The following FCHSD2 variants were observed in gnomAD, a reference collection of about 807,000 sequenced individuals.
The protein encoded by FCHSD2 is F-BAR and double SH3 domains protein 2.
FCHSD2 carries 38 observed loss-of-function variants against 108.1 expected under a neutral mutation model. The ratio of observed to expected loss-of-function variants is 0.35; its 90% CI spans 0.27 to 0.46. FCHSD2 has a LOEUF of 0.46. FCHSD2 is among the 20% of genes least tolerant of loss of function. FCHSD2 has a pLI of 1.00. For missense variants in FCHSD2, 751 were observed against 897.8 expected, an observed-to-expected ratio of 0.84 and a Z score of 2.09; for synonymous variants, 279 against 314.7, an observed-to-expected ratio of 0.89 and a Z score of 1.20.
At chr11:72,962,324 G>A (rs1266123238) in intron 8 of FCHSD2, among the ~76,000 whole-genome samples, 1 of 152,082 alleles carries the variant, frequency 6.6e-6, no homozygotes, top group African/African-American at 2.4e-5. Context: ...TCTGTACTTG[G>A]GCATTCTTGT....
intron 9 of FCHSD2, among the ~76,000 whole-genome samples, chr11:72,918,246 A>G (rs900897365): frequency 6.6e-6 from 1 of 151,982 alleles, no homozygotes; most frequent in African/African-American, 2.4e-5. Context: ...TTTTTATCTT[A>G]TATGTTGCTA....
At chr11:73,129,501 G>C (rs183300556) in intron 2 of FCHSD2, among the ~76,000 whole-genome samples, 88 of 152,260 alleles carry the variant, frequency 5.8e-4, no homozygotes, top group African/African-American at 2.0e-3. Flanking sequence ...ACATGCAAGG[G>C]ATCTAGGTTG....
chr11:72,852,090 C>A (rs944498347), intron 13 of FCHSD2, among the ~76,000 whole-genome samples: 1 of 151,836 alleles, frequency 6.6e-6, no homozygotes, highest in South Asian at 2.1e-4. Flanking sequence ...GGTTTCACCA[C>A]GTTGCTTAGG....
chr11:73,138,127 A>G lies in FCHSD2; in HGVS notation c.119+1904T>C, dbSNP rs151062289. On this transcript the variant is annotated intron_variant, in intron 2 of 19. Coordinates refer to ENST00000409418, the MANE Select transcript of FCHSD2 (RefSeq NM_014824.3). Reference sequence around the variant, plus strand: ...GCAACAGCAACAGGAGCAACAGACTATATCAACTTAGCTTAGATGTGTGCC... The same window carrying G: ...GCAACAGCAACAGGAGCAACAGACTGTATCAACTTAGCTTAGATGTGTGCC... Among the ~76,000 whole-genome samples the G allele has an allele frequency of 1.3e-4, 20 of 152,368 alleles. 3 individuals carry two copies. The highest frequency in any genetic ancestry group is 3.6e-4 in the African/African-American group (15 of 41,590).
At chr11:72,934,331 C>CTTTT (rs1235013217) in intron 8 of FCHSD2, among the ~76,000 whole-genome samples, 1 of 133,070 alleles carries the variant, frequency 7.5e-6, no homozygotes, top group Admixed American at 7.6e-5. Context: ...AGAGCCATGC[C>CTTTT]TTTTTTTTTT....
chr11:72,911,418 T>C (rs1448492662), intron 9 of FCHSD2, among the ~76,000 whole-genome samples: 2 of 152,320 alleles, frequency 1.3e-5, no homozygotes, highest in South Asian at 2.1e-4. Flanking sequence ...CACAATATGA[T>C]TCCTTGAGTT....
intron 2 of FCHSD2, among the ~76,000 whole-genome samples, chr11:73,102,127 G>T (rs553474931): frequency 1.2e-4 from 18 of 152,324 alleles, no homozygotes; most frequent in African/African-American, 4.3e-4. Flanking sequence ...ACAGTGAAAA[G>T]ATGCTTAACA....
At chr11:73,037,903 A>G (rs1044994645) in intron 3 of FCHSD2, among the ~76,000 whole-genome samples, 1 of 152,204 alleles carries the variant, frequency 6.6e-6, no homozygotes, top group Non-Finnish European at 1.5e-5. Context: ...ATAACCTTTT[A>G]TATCCAATCC....
chr11:73,113,675 G>A (rs774812825), intron 2 of FCHSD2, among the ~76,000 whole-genome samples: 25 of 152,074 alleles, frequency 1.6e-4, no homozygotes, highest in African/African-American at 5.1e-4. Flanking sequence ...GTTTGTACCC[G>A]TCCTTCTTGG....
intron 5 of FCHSD2, among the ~76,000 whole-genome samples, chr11:72,995,219 CT>C (rs1238991564): frequency 2.0e-5 from 3 of 152,090 alleles, no homozygotes; most frequent in Non-Finnish European, 4.4e-5. Context: ...AAGCTTTTAT[CT>C]TGCAGAACGA....
intron 8 of FCHSD2, among the ~76,000 whole-genome samples, chr11:72,968,160 C>T (rs1379832143): frequency 6.6e-6 from 1 of 151,700 alleles, no homozygotes; most frequent in Non-Finnish European, 1.5e-5. Context: ...TGAGGTTTTC[C>T]AATTTTATCC....
intron 2 of FCHSD2, among the ~76,000 whole-genome samples, chr11:73,125,252 A>C (rs551363470): frequency 6.6e-6 from 1 of 152,376 alleles, no homozygotes. Context: ...TCCTTCTCTT[A>C]ATCTTTTTAA....
intron 3 of FCHSD2, among the ~76,000 whole-genome samples, chr11:73,023,956 T>C (rs185970980): frequency 4.0e-4 from 61 of 152,258 alleles, no homozygotes; most frequent in Non-Finnish European, 8.1e-4. Flanking sequence ...GAAAGACCAA[T>C]TGATAGAGAA....
chr11:73,048,784 T>A (rs1258511584), intron 3 of FCHSD2, among the ~76,000 whole-genome samples: 1 of 152,188 alleles, frequency 6.6e-6, no homozygotes, highest in Non-Finnish European at 1.5e-5. Context: ...GTATGTATAG[T>A]TCACCTCAAG....
chr11:73,140,073 T>C lies in FCHSD2; in HGVS notation c.77A>G (p.Gln26Arg). 6.5e-7 allele frequency: 1 copy of C among 1,549,372 alleles called. No homozygotes were observed. Among genetic ancestry groups the C allele is most frequent in the South Asian group, 1.2e-5 (1 of 83,376 alleles). ...NIQVEQMTKL[Q>R]AKHQAECDLL... is the part of the protein sequence containing the mutation. ...ATCACATTCTGCTTGATGTTTGGCT[T>C]GAAGTTTTGTCATCTGCTCAACTTG... The change falls in exon 2 of 20, where the codon CAA becomes CGA. Residue 26 changes from glutamine to arginine, a missense_variant. Transcript: ENST00000409418.
chr11:73,009,975 T>G (rs1475568690), intron 4 of FCHSD2, among the ~76,000 whole-genome samples: 3 of 152,196 alleles, frequency 2.0e-5, no homozygotes, highest in Non-Finnish European at 2.9e-5. Flanking sequence ...TTGTCTATTA[T>G]TTCATCAAAT....
intron 9 of FCHSD2, among the ~76,000 whole-genome samples, chr11:72,908,623 C>T (rs537605924): frequency 1.3e-5 from 2 of 152,298 alleles, no homozygotes; most frequent in South Asian, 4.2e-4. Context: ...ATTTGCATTT[C>T]TCTGATGATT....
intron 1 of FCHSD2, among the ~76,000 whole-genome samples, chr11:73,140,781 G>A (rs1861227344): frequency 6.6e-6 from 1 of 151,164 alleles, no homozygotes; most frequent in Non-Finnish European, 1.5e-5. Flanking sequence ...TTCAAACAGC[G>A]GAGAACAGCA....
intron 13 of FCHSD2, among the ~76,000 whole-genome samples, chr11:72,852,272 G>T (rs1449059065): frequency 6.6e-6 from 1 of 152,140 alleles, no homozygotes; most frequent in Non-Finnish European, 1.5e-5. Flanking sequence ...CACTGCTGGT[G>T]GGAGTATAAA....
Sources: gnomAD v4.1 joint callset for allele counts (sites outside exome capture counted in the v4.1 genomes callset) on GRCh38, gnomAD v4.1.1 for gene constraint, MANE v1.5 for transcripts, NCBI Gene and HGNC (gene_info 2026-07-23, HGNC 2026-07-21) for gene names.